SEC16A: variants seen among roughly 807,000 people sequenced by gnomAD.
SEC16A encodes the protein SEC16 homolog A, endoplasmic reticulum export factor.
Under a neutral mutation model 221.9 loss-of-function variants are expected in SEC16A, and 110 were observed. That is an observed-to-expected ratio of 0.50 (90% CI 0.42 to 0.58). The LOEUF (loss-of-function observed/expected upper bound fraction) is 0.58. Among genes scored for constraint, SEC16A ranks in the 20% least tolerant of loss-of-function variants. The pLI, the probability that SEC16A is intolerant of heterozygous loss-of-function variation, is 0.00. For synonymous variants in SEC16A, 1,393 were observed against 1,257.7 expected (o/e 1.11, Z -2.28); for missense variants, 3,165 against 3,097.8 (o/e 1.02, Z -0.52).
rs2132840698 is a variant in SEC16A at position 136,474,247 on chromosome 9, A to C, written c.3369T>G (p.Ser1123=). The C allele has an allele frequency of 1.2e-6, 2 of 1,609,016 alleles. No individual in the cohort carries two copies. The highest frequency in any genetic ancestry group is 1.7e-6 in the Non-Finnish European group (2 of 1,177,970). The change falls in exon 3 of 32, where the codon TCT becomes TCG. Residue 1123 remains serine, a synonymous_variant. Coordinates refer to ENST00000684901, the MANE Select transcript of SEC16A (RefSeq NM_014866.2). ...CCTGGCCGGAGCCACTGGACACCAG[A>C]GACACGCTAGAGGACTGAGGAGGCC... The part of the protein sequence containing the change: ...PPRPPQSSSV[S]LVSSGSGQAA...
chr9:136,442,293 G>C (rs1836297766), intron 31 of SEC16A, among the ~76,000 whole-genome samples: 1 of 152,270 alleles, frequency 6.6e-6, no homozygotes, highest in Non-Finnish European at 1.5e-5. Flanking sequence ...ACATGGTAAA[G>C]GGAGCAGGAC....
intron 1 of SEC16A, 103 bp downstream of exon 1, chr9:136,482,835 G>T: frequency 3.1e-6 from 1 of 324,052 alleles, no homozygotes; most frequent in Non-Finnish European, 4.5e-6. Flanking sequence ...GGGCCCAGCC[G>T]CCTCCTCTCC....
chr9:136,463,873 G>T, intron 9 of SEC16A, 133 bp from the exon 10 acceptor site: 2 of 894,132 alleles, frequency 2.2e-6, no homozygotes, highest in Non-Finnish European at 3.6e-6. Flanking sequence ...CCCACAGCAG[G>T]TGAAGGCTCT....
chr9:136,453,521 G>A lies in SEC16A; in HGVS notation c.6077-11C>T. On this transcript the variant is annotated splice_polypyrimidine_tract_variant and intron_variant, in intron 21 of 31. Coordinates refer to ENST00000684901, the MANE Select transcript of SEC16A (RefSeq NM_014866.2). ...CCTGCGGCACTATCCCTGTCAACGGGAAAGAGAGCAACTATGATCTCAGTC... is the reference window on the plus strand; with the variant it reads ...CCTGCGGCACTATCCCTGTCAACGGAAAAGAGAGCAACTATGATCTCAGTC... 1 of 1,608,122 alleles carries A rather than the reference G, an allele frequency of 6.2e-7. No homozygotes were observed. Among genetic ancestry groups the A allele is most frequent in the South Asian group, 1.1e-5 (1 of 90,944 alleles).
chr9:136,451,617 G>A (rs545850170), intron 22 of SEC16A, among the ~76,000 whole-genome samples: 2 of 152,292 alleles, frequency 1.3e-5, no homozygotes, highest in Admixed American at 1.3e-4. Flanking sequence ...GACTAGAGAA[G>A]AGCCAGCCGC....
rs201789231 is a variant in SEC16A at position 136,462,960 on chromosome 9, G to T, written c.4820C>A (p.Pro1607Gln). Residue 1607 changes from proline to glutamine, a missense_variant, in exon 12 of 32, where the codon CCG becomes CAG. Pro to Gln is a moderately conservative substitution (Grantham distance 76, BLOSUM62 -1). Transcript: ENST00000684901. ...EAQLSFLTGG[P>Q]AAAASSLERE... ...CTCGAGCGAGCTGGCGGCAGCCGCCGGACCACCAGTGAGGAAAGAGAGCTG... is the reference window on the plus strand; with the variant it reads ...CTCGAGCGAGCTGGCGGCAGCCGCCTGACCACCAGTGAGGAAAGAGAGCTG... The T allele has an allele frequency of 3.7e-6, 6 of 1,607,636 alleles. No homozygotes were observed. The African/African-American group carries it at 6.7e-5, about 18-fold the overall frequency.
In SEC16A at chr9:136,477,733, C is replaced by A. The variant is rs1343522541; in HGVS notation, c.-69-49G>T. 4.9e-6 allele frequency: 7 copies of A among 1,418,836 alleles called. No individual in the cohort carries two copies. The East Asian group carries it at 1.3e-4, about 25-fold the overall frequency. 87.9% of individuals were successfully genotyped at this position (1,418,836 alleles called of 1,614,324 possible). A position where few individuals can be genotyped will look rare whatever the true frequency, so the allele number is the denominator to read the frequency against. The stretch of plus-strand genomic sequence containing the variant: ...AGCATAAAATCCATATATTCAAAGT[C>A]CTAGCTGCAATCAGGAAAACTAAGG... On this transcript the variant is annotated intron_variant, in intron 2 of 31. Coordinates refer to ENST00000684901, the MANE Select transcript of SEC16A (RefSeq NM_014866.2).
Position 136,477,327 on chromosome 9 carries a change from T to A in SEC16A, c.289A>T (p.Thr97Ser). The change falls in exon 3 of 32, where the codon ACA becomes TCA. Residue 97 changes from threonine (T) to serine (S), a missense_variant. Thr to Ser is a moderately conservative substitution (Grantham distance 58, BLOSUM62 1). This residue lies in a region of SEC16A where 2,030 missense variants were observed against 1,923.1 expected (regional missense o/e 1.06). Transcript: ENST00000684901. ...CCCTGAGAGCTATCTCTGGCATGTG[T>A]GTGAGGAACAAGCAAACCGGGGTGC... The part of the protein sequence containing the change: ...SQHPGLLVPH[T>S]HARDSSQGPC... The A allele has an allele frequency of 6.2e-7, 1 of 1,613,824 alleles. No homozygotes were observed. Among genetic ancestry groups the A allele is most frequent in the Non-Finnish European group, 8.5e-7 (1 of 1,179,866 alleles).
chr9:136,451,972 T>C (rs2132011900), intron 22 of SEC16A, among the ~76,000 whole-genome samples: 1 of 152,296 alleles, frequency 6.6e-6, no homozygotes, highest in East Asian at 1.9e-4. Flanking sequence ...ATGCGGTCTG[T>C]ATAAAAGCAA....
At chr9:136,463,203 C>A in intron 11 of SEC16A, 71 bp from the exon 12 acceptor site, 1 of 1,567,828 alleles carries the variant, frequency 6.4e-7, no homozygotes. Context: ...CCACCACAGG[C>A]ACAAAGCCCC....
chr9:136,479,791 C>G (rs7019026), intron 1 of SEC16A, among the ~76,000 whole-genome samples: 1 of 151,834 alleles, frequency 6.6e-6, no homozygotes, highest in African/African-American at 2.4e-5. Flanking sequence ...GAGGACCACT[C>G]GAGTTCAGCA....
intron 23 of SEC16A, among the ~76,000 whole-genome samples, chr9:136,449,676 A>G (rs1837520792): frequency 6.6e-6 from 1 of 152,226 alleles, no homozygotes; most frequent in Non-Finnish European, 1.5e-5. Context: ...GAGAAGCCTC[A>G]GCAGCTACTA....
In SEC16A at chr9:136,451,340, C is replaced by T. The variant is rs776101479; in HGVS notation, c.6228G>A (p.Thr2076=). 1.5e-5 allele frequency: 24 copies of T among 1,613,518 alleles called. No individual in the cohort carries two copies. Among genetic ancestry groups the T allele is most frequent in the South Asian group, 3.3e-5 (3 of 91,038 alleles). Reference sequence around the variant, plus strand: ...CGGGTGAGAGAGACAGAGGTGGCTGCGTGGGACCCGAGTCGGCACGATCCC... The same window carrying T: ...CGGGTGAGAGAGACAGAGGTGGCTGTGTGGGACCCGAGTCGGCACGATCCC... ...PGWDRADSGP[T]QPPLSLSPAP... The change falls in exon 23 of 32, where the codon ACG becomes ACA. Residue 2076 remains threonine (T), a synonymous_variant. Transcript: ENST00000684901.
chr9:136,483,074 G>T, upstream of SEC16A: 14 of 963,350 alleles, frequency 1.5e-5, no homozygotes, highest in Non-Finnish European at 1.7e-5. Context: ...CGCCGCCGAC[G>T]TGTCCGGCTT....
chr9:136,469,666 A>G (rs575300618), intron 4 of SEC16A, among the ~76,000 whole-genome samples: 1 of 152,128 alleles, frequency 6.6e-6, no homozygotes, highest in East Asian at 1.9e-4. Flanking sequence ...ACCTAAAAAG[A>G]CTCTTGAAAG....
chr9:136,463,027 C>T lies in SEC16A; in HGVS notation c.4753G>A (p.Glu1585Lys). Residue 1585 changes from glutamate to lysine, a missense_variant, in exon 12 of 32, where the codon GAG becomes AAG. Glu to Lys is a moderately conservative substitution (Grantham distance 56). Transcript: ENST00000684901. ...NEANLIDFTN[E>K]AVEQVEEEES... ...TCCTCTTCCACCTGCTCCACTGCCT[C>T]ATTCGTGAAATCAATCAGGTTTGCT... is the stretch of plus-strand genomic sequence containing the variant. The T allele has an allele frequency of 6.2e-7, 1 of 1,612,416 alleles. No homozygotes were observed. Among genetic ancestry groups the T allele is most frequent in the Non-Finnish European group, 8.5e-7 (1 of 1,179,896 alleles).
chr9:136,466,067 G>T lies in SEC16A; in HGVS notation c.4198C>A (p.His1400Asn). The part of the protein sequence containing the change: ...YEAPLPPGSF[H>N]GDFAYGTYRS... ...TAGGTGCCGTAGGCAAAATCGCCGTGAAAGGAGCCTGGAGGAAGCGGGGCC... is the reference window on the plus strand; with the variant it reads ...TAGGTGCCGTAGGCAAAATCGCCGTTAAAGGAGCCTGGAGGAAGCGGGGCC... The change falls in exon 8 of 32, where the codon CAC becomes AAC. Residue 1400 changes from histidine (H) to asparagine (N), a missense_variant. Coordinates refer to ENST00000684901, the MANE Select transcript of SEC16A (RefSeq NM_014866.2). This position sits in a 1 kb window ranked among gnomAD's most constrained non-coding sequence, Gnocchi z 5.5. The T allele has an allele frequency of 6.2e-7, 1 of 1,613,182 alleles. No homozygotes were observed. The highest frequency in any genetic ancestry group is 8.5e-7 in the Non-Finnish European group (1 of 1,179,610).
chr9:136,448,920 A>G, intron 23 of SEC16A: 1 of 676,312 alleles, frequency 1.5e-6, no homozygotes, highest in Non-Finnish European at 2.7e-6. Flanking sequence ...GGAAGGTGAG[A>G]CAGTTCTGGA....
rs775500259 is a variant in SEC16A at position 136,460,061 on chromosome 9, C to T, written c.5054G>A (p.Arg1685Gln). The change falls in exon 14 of 32, where the codon CGG (arginine) becomes CAG (glutamine). Residue 1685 changes from arginine to glutamine, a missense_variant. Arg to Gln is a conservative substitution (Grantham distance 43, BLOSUM62 1). Coordinates refer to ENST00000684901, the MANE Select transcript of SEC16A (RefSeq NM_014866.2). ...LQTVYQLMSG[R>Q]MPAASTCCGD... ...ACTCACCGTGGACGCGGCAGGCATC[C>T]GTCCGGACATGAGCTGGTAGACTGT... 1.9e-6 allele frequency: 3 copies of T among 1,605,484 alleles called. No homozygotes were observed. Among genetic ancestry groups the T allele is most frequent in the Non-Finnish European group, 1.7e-6 (2 of 1,176,080 alleles).
Sources: gnomAD v4.1 joint callset for allele counts (sites outside exome capture counted in the v4.1 genomes callset) on GRCh38, gnomAD v4.1.1 for gene constraint, gnomAD v4.1.1 regional missense constraint, Gnocchi (gnomAD v3.1) non-coding constraint, MANE v1.5 for transcripts, NCBI Gene and HGNC (gene_info 2026-07-23, HGNC 2026-07-21) for gene names.